PPP1R9A: variants seen among roughly 807,000 people sequenced by gnomAD.
The protein encoded by PPP1R9A is neurabin-1.
In PPP1R9A, 59 loss-of-function variants were observed where a neutral mutation model predicts 141.9. The observed-to-expected ratio is 0.42, with a 90% CI of 0.34 to 0.52. PPP1R9A has a LOEUF of 0.52. Among genes scored for constraint, PPP1R9A ranks in the 20% least tolerant of loss-of-function variants. PPP1R9A has a pLI of 0.10. For synonymous variants in PPP1R9A, 500 were observed against 569.7 expected, an observed-to-expected ratio of 0.88 and a Z score of 1.74; for missense variants, 1,444 against 1,611.9, an observed-to-expected ratio of 0.90 and a Z score of 1.78.
chr7:94,999,680 T>A (rs556825360), intron 2 of PPP1R9A, among the ~76,000 whole-genome samples: 1 of 152,214 alleles, frequency 6.6e-6, no homozygotes, highest in South Asian at 2.1e-4. Context: ...ACAAAACATC[T>A]CCTAAGAAAT....
rs138380352 is a variant in PPP1R9A, at chr7:95,112,916, C to A, written c.1528+1525C>A. Among the ~76,000 whole-genome samples the A allele has an allele frequency of 5.9e-5, 9 of 152,062 alleles. No individual in the cohort carries two copies. The East Asian group carries it at 1.7e-3, about 29-fold the overall frequency. The stretch of plus-strand genomic sequence containing the variant: ...AGAGCAGAGTAATAGACACTGGGGA[C>A]TCCAAAAGTTTACGAGGGTGGGAGG... On this transcript the variant is annotated intron_variant, in intron 3 of 19. Transcript: ENST00000433360.
intron 2 of PPP1R9A, among the ~76,000 whole-genome samples, chr7:95,056,064 C>T (rs993558019): frequency 2.6e-5 from 4 of 152,086 alleles, no homozygotes; most frequent in Admixed American, 6.6e-5. Flanking sequence ...GAAGGCAAGA[C>T]TCATGTCTCA....
chr7:95,045,415 C>G (rs1407403439), intron 2 of PPP1R9A, among the ~76,000 whole-genome samples: 3 of 152,180 alleles, frequency 2.0e-5, no homozygotes, highest in African/African-American at 7.2e-5. Flanking sequence ...GGGTGGGCTG[C>G]CCGCATGCGC....
intron 2 of PPP1R9A, among the ~76,000 whole-genome samples, chr7:94,978,626 C>T (rs921317639): frequency 6.6e-6 from 1 of 152,084 alleles, no homozygotes; most frequent in Non-Finnish European, 1.5e-5. Flanking sequence ...TCGCTGAGTG[C>T]TTTTCCCAAA....
At chr7:94,942,132 C>G (rs1029814809) in intron 2 of PPP1R9A, among the ~76,000 whole-genome samples, 2 of 152,058 alleles carry the variant, frequency 1.3e-5, no homozygotes, top group African/African-American at 4.8e-5. Context: ...TATCATTTCT[C>G]CCACTTCTCT....
chr7:95,251,870 T>A lies in PPP1R9A; in HGVS notation c.2493+12T>A, dbSNP rs761710115. ...GCCTCCAAGTGCGGGTAAGTTGTGT[T>A]CCCTAAGACACTAAATAATAAGATG... On this transcript the variant is annotated intron_variant, in intron 11 of 19. Coordinates refer to ENST00000433360, the MANE Select transcript of PPP1R9A (RefSeq NM_001166160.2). 6.2e-7 allele frequency: 1 copy of A among 1,612,654 alleles called. No individual in the cohort carries two copies.
intron 2 of PPP1R9A, among the ~76,000 whole-genome samples, chr7:95,071,716 T>C (rs952741190): frequency 6.6e-6 from 1 of 151,948 alleles, no homozygotes; most frequent in African/African-American, 2.4e-5. Context: ...TAAATCTGTA[T>C]TATTTAATGT....
chr7:94,978,812 T>G (rs1799762465), intron 2 of PPP1R9A, among the ~76,000 whole-genome samples: 1 of 152,216 alleles, frequency 6.6e-6, no homozygotes, highest in South Asian at 2.1e-4. Flanking sequence ...TGTTTTGTTT[T>G]GTGAGACACG....
At position 94,960,272 on chromosome 7, in the gene PPP1R9A, T is replaced by C. The variant is rs143413136; in HGVS notation, c.1395+48764T>C. ...AATTCTGGCACTCTCTTAAGACTGT[T>C]CAGTTATAACTTACAAGATGATTCT... On this transcript the variant is annotated intron_variant, in intron 2 of 19. Coordinates refer to ENST00000433360, the MANE Select transcript of PPP1R9A (RefSeq NM_001166160.2). Among the ~76,000 whole-genome samples, 15 of 151,626 alleles carry C rather than the reference T, an allele frequency of 9.9e-5. No homozygotes were observed. The East Asian group carries it at 2.9e-3, about 29-fold the overall frequency.
chr7:95,091,944 G>C (rs1817405934), intron 2 of PPP1R9A, among the ~76,000 whole-genome samples: 1 of 151,460 alleles, frequency 6.6e-6, no homozygotes, highest in South Asian at 2.1e-4. Flanking sequence ...TGGGCCAACT[G>C]TCTGTCATCT....
chr7:95,121,757 TGA>T (rs1385556257), intron 4 of PPP1R9A, among the ~76,000 whole-genome samples: 3 of 151,982 alleles, frequency 2.0e-5, no homozygotes, highest in Non-Finnish European at 2.9e-5. Context: ...AAAGGCCAAG[TGA>T]GAGAGAGCAA....
intron 2 of PPP1R9A, among the ~76,000 whole-genome samples, chr7:94,996,603 T>C (rs1292342459): frequency 6.6e-6 from 1 of 152,184 alleles, no homozygotes; most frequent in Admixed American, 6.5e-5. Context: ...GGCCACTGTT[T>C]CCTCAAATTC....
intron 2 of PPP1R9A, among the ~76,000 whole-genome samples, chr7:95,087,264 T>C (rs960401635): frequency 1.3e-5 from 2 of 152,034 alleles, no homozygotes; most frequent in African/African-American, 4.8e-5. Context: ...CTCAGATGTT[T>C]ACTTTTATCT....
At chr7:95,029,128 A>G (rs1807303763) in intron 2 of PPP1R9A, among the ~76,000 whole-genome samples, 1 of 152,202 alleles carries the variant, frequency 6.6e-6, no homozygotes, top group African/African-American at 2.4e-5. Context: ...GCATTGATAA[A>G]TGTTAACATA....
chr7:95,132,675 TG>T (rs1344845832), intron 4 of PPP1R9A, among the ~76,000 whole-genome samples: 2 of 152,066 alleles, frequency 1.3e-5, no homozygotes, highest in Non-Finnish European at 2.9e-5. Context: ...TCAGGCTCAC[TG>T]GGTTCACGCT....
chr7:95,153,451 T>C (rs535231524), intron 4 of PPP1R9A, among the ~76,000 whole-genome samples: 1 of 152,330 alleles, frequency 6.6e-6, no homozygotes, highest in East Asian at 1.9e-4. Context: ...CATTAGCTTA[T>C]CTGATCAATA....
At chr7:94,965,496 A>G (rs934700167) in intron 2 of PPP1R9A, among the ~76,000 whole-genome samples, 13 of 151,980 alleles carry the variant, frequency 8.6e-5, no homozygotes, top group Non-Finnish European at 1.8e-4. Flanking sequence ...TAATTTTTGT[A>G]TATGGTTTAA....
intron 4 of PPP1R9A, among the ~76,000 whole-genome samples, chr7:95,140,452 A>G (rs1361260515): frequency 6.6e-6 from 1 of 152,102 alleles, no homozygotes; most frequent in Non-Finnish European, 1.5e-5. Context: ...CTGTAGTGGC[A>G]TAATCTTAGC....
rs115028745 is a variant in PPP1R9A at position 95,179,428 on chromosome 7, T to G, written c.1754+17457T>G. The stretch of plus-strand genomic sequence containing the variant: ...CCACAGCCATCATAATACTCAATGG[T>G]GAAAAGTTGAAAGCATTCCCTCTGA... On this transcript the variant is annotated intron_variant, in intron 5 of 19. Coordinates refer to ENST00000433360, the MANE Select transcript of PPP1R9A (RefSeq NM_001166160.2). 4.7e-3 allele frequency among the ~76,000 whole-genome samples: 710 copies of G among 151,964 alleles called. 5 individuals carry two copies. The highest frequency in any genetic ancestry group is 0.016 in the African/African-American group (668 of 41,474).
Sources: gnomAD v4.1 joint callset for allele counts (sites outside exome capture counted in the v4.1 genomes callset) on GRCh38, gnomAD v4.1.1 for gene constraint, MANE v1.5 for transcripts, NCBI Gene and HGNC (gene_info 2026-07-23, HGNC 2026-07-21) for gene names.